Variants in ANO2 observed in about 807,000 individuals in gnomAD.
ANO2 encodes anoctamin 2.
In ANO2, 101 loss-of-function variants were observed where a neutral mutation model predicts 124.2. The ratio of observed to expected loss-of-function variants is 0.81; its 90% CI spans 0.69 to 0.96. The LOEUF is 0.96. ANO2 is among the 40% of genes least tolerant of loss of function. ANO2 has a pLI of 0.00. For missense variants in ANO2, 1,293 were observed against 1,274.5 expected, an observed-to-expected ratio of 1.01 and a Z score of -0.22; for synonymous variants, 486 against 482.5, an observed-to-expected ratio of 1.01 and a Z score of -0.09.
chr12:5,643,800 C>A (rs1003255897), intron 15 of ANO2, among the ~76,000 whole-genome samples: 1 of 152,062 alleles, frequency 6.6e-6, no homozygotes, highest in African/African-American at 2.4e-5. Context: ...GATTGGGTAC[C>A]ATTTTATAGG....
intron 20 of ANO2, among the ~76,000 whole-genome samples, chr12:5,588,403 G>C (rs1016208339): frequency 6.6e-6 from 1 of 152,248 alleles, no homozygotes; most frequent in African/African-American, 2.4e-5. Context: ...TACAGGTCTT[G>C]AAGCACGTCT....
intron 14 of ANO2, among the ~76,000 whole-genome samples, chr12:5,717,174 G>T (rs551873833): frequency 6.6e-6 from 1 of 152,238 alleles, no homozygotes; most frequent in Non-Finnish European, 1.5e-5. Flanking sequence ...GGCATGAAGA[G>T]TATGTGGGAA....
At chr12:5,943,992 C>T (rs1201605803) in intron 1 of ANO2, among the ~76,000 whole-genome samples, 1 of 152,228 alleles carries the variant, frequency 6.6e-6, no homozygotes, top group Non-Finnish European at 1.5e-5. Flanking sequence ...CTCACACAGT[C>T]TCTACAGTCA....
chr12:5,897,996 C>A (rs1939912061), intron 3 of ANO2, among the ~76,000 whole-genome samples: 1 of 151,500 alleles, frequency 6.6e-6, no homozygotes. Flanking sequence ...ATATACTCAA[C>A]AAAAGATGTA....
At position 5,866,588 on chromosome 12, in the gene ANO2, A is replaced by C. The variant is rs112722768; in HGVS notation, c.535-12447T>G. ...CCTTGAGTTGTACTTTGACCACTACATGATGAGATTTGCACATGCCGTTGT... is the reference window on the plus strand; with the variant it reads ...CCTTGAGTTGTACTTTGACCACTACCTGATGAGATTTGCACATGCCGTTGT... On this transcript the variant is annotated intron_variant, in intron 3 of 24. Coordinates refer to ENST00000682330, the MANE Select transcript of ANO2 (RefSeq NM_001364791.2). Among the ~76,000 whole-genome samples the C allele has an allele frequency of 6.9e-3, 1,050 of 152,364 alleles. 15 individuals are homozygous for C. Among genetic ancestry groups the C allele is most frequent in the African/African-American group, 0.024 (996 of 41,582 alleles).
chr12:5,875,004 G>A (rs1220294702), intron 3 of ANO2, among the ~76,000 whole-genome samples: 2 of 152,200 alleles, frequency 1.3e-5, no homozygotes, highest in Admixed American at 1.3e-4. Context: ...GATTTGGCTT[G>A]CAGGCCACAG....
rs542100735 is a variant in ANO2, at chr12:5,939,224, A to AC, written c.22+5971_22+5972insG. Among the ~76,000 whole-genome samples, 150 of 151,524 alleles carry AC rather than the reference A, an allele frequency of 9.9e-4. 1 individual carries two copies. The South Asian group carries it at 0.028, about 29-fold the overall frequency. ...GAGCAAGACTCCAACAAAAAAAAAA[A>AC]AAAAAAAAAAACTTTGTGTTTCCTC... On this transcript the variant is annotated intron_variant, in intron 1 of 24. Coordinates refer to ENST00000682330, the MANE Select transcript of ANO2 (RefSeq NM_001364791.2).
At chr12:5,577,402 G>T (rs1318631843) in intron 22 of ANO2, among the ~76,000 whole-genome samples, 1 of 152,230 alleles carries the variant, frequency 6.6e-6, no homozygotes, top group Non-Finnish European at 1.5e-5. Context: ...GAGCTGGCTG[G>T]GGCCCAGCAG....
At chr12:5,731,005 C>A (rs1399899231) in intron 14 of ANO2, among the ~76,000 whole-genome samples, 1 of 152,210 alleles carries the variant, frequency 6.6e-6, no homozygotes, top group Middle Eastern at 3.2e-3. Flanking sequence ...CATATATACC[C>A]AAGCAATGTT....
At chr12:5,936,738 T>C (rs1002375535) in intron 1 of ANO2, among the ~76,000 whole-genome samples, 6 of 152,228 alleles carry the variant, frequency 3.9e-5, no homozygotes, top group Admixed American at 3.3e-4. Context: ...TACTTCTATG[T>C]TGTCTTCTAG....
At chr12:5,765,960 C>A (rs1305470332) in intron 10 of ANO2, among the ~76,000 whole-genome samples, 1 of 152,202 alleles carries the variant, frequency 6.6e-6, no homozygotes, top group African/African-American at 2.4e-5. Context: ...AAGTGCTCAA[C>A]TCCCTTAATC....
intron 1 of ANO2, among the ~76,000 whole-genome samples, chr12:5,923,254 A>ACG (rs112290610): frequency 2.9e-5 from 2 of 69,606 alleles, no homozygotes; most frequent in African/African-American, 1.3e-4. Context: ...GCATACACAC[A>ACG]CATACACACA....
chr12:5,794,650 T>C (rs1591625522), intron 10 of ANO2, among the ~76,000 whole-genome samples: 1 of 152,306 alleles, frequency 6.6e-6, no homozygotes, highest in Middle Eastern at 3.4e-3. Context: ...AACATTATTA[T>C]AGTCCTGAGA....
intron 24 of ANO2, among the ~76,000 whole-genome samples, chr12:5,564,070 C>G (rs1393363952): frequency 6.6e-6 from 1 of 152,228 alleles, no homozygotes; most frequent in Non-Finnish European, 1.5e-5. Context: ...ATCCTCTACA[C>G]TAGAGACGGA....
In ANO2 at chr12:5,827,801, C is replaced by A. The variant is rs368783366; in HGVS notation, c.860G>T (p.Arg287Leu). Reference sequence around the variant, plus strand: ...GTTGTTGGCTCGGGAGCAGGCTGTGCGCTTCAGGATCTCGTGCACCTAAAA... The same window carrying A: ...GTTGTTGGCTCGGGAGCAGGCTGTGAGCTTCAGGATCTCGTGCACCTAAAA... ...RSRIVHEILKRTACSRANNTM... is the reference protein window; with the variant it reads ...RSRIVHEILKLTACSRANNTM... Residue 287 changes from arginine (R) to leucine (L), a missense_variant, in exon 7 of 25, where the codon CGC becomes CTC. Transcript: ENST00000682330. The A allele has an allele frequency of 2.5e-6, 4 of 1,611,446 alleles. No individual in the cohort carries two copies. The highest frequency in any genetic ancestry group is 1.1e-5 in the South Asian group (1 of 90,370).
chr12:5,576,088 C>T (rs1942391090), intron 22 of ANO2, 73 bp from the exon 23 acceptor site: 1 of 1,419,752 alleles, frequency 7.0e-7, no homozygotes, highest in Non-Finnish European at 9.4e-7. Context: ...TTAGGCTCCC[C>T]ATCAGAAGGA....
chr12:5,872,322 G>A (rs1937753631), intron 3 of ANO2, among the ~76,000 whole-genome samples: 1 of 152,074 alleles, frequency 6.6e-6, no homozygotes, highest in South Asian at 2.1e-4. Flanking sequence ...TCCTTGGGAT[G>A]GCCCCAAGGA....
At chr12:5,861,538 A>C (rs1471593206) in intron 3 of ANO2, among the ~76,000 whole-genome samples, 1 of 152,064 alleles carries the variant, frequency 6.6e-6, no homozygotes, top group Non-Finnish European at 1.5e-5. Flanking sequence ...CCAGCCAAAC[A>C]CTGGAAACTG....
At chr12:5,852,176 T>C (rs997099079) in intron 4 of ANO2, among the ~76,000 whole-genome samples, 1 of 152,170 alleles carries the variant, frequency 6.6e-6, no homozygotes, top group Non-Finnish European at 1.5e-5. Context: ...ACTAGTATCA[T>C]GTTGCCAGGA....
Sources: allele counts gnomAD v4.1 joint callset (sites outside exome capture counted in the v4.1 genomes callset), GRCh38; gene constraint gnomAD v4.1.1; transcripts MANE v1.5; gene names NCBI Gene and HGNC (gene_info 2026-07-23, HGNC 2026-07-21).